Variants in GNB4 observed in about 807,000 individuals in gnomAD.
GNB4 encodes the protein G protein subunit beta 4, also known as guanine nucleotide-binding protein subunit beta-4.
Under a neutral mutation model 45.2 loss-of-function variants are expected in GNB4, and 28 were observed. The ratio of observed to expected loss-of-function variants is 0.62; its 90% CI spans 0.46 to 0.85. GNB4 has a LOEUF of 0.85. Among genes scored for constraint, GNB4 ranks in the 40% least tolerant of loss-of-function variants. GNB4 has a pLI of 0.00. For synonymous variants in GNB4, 132 were observed against 143.7 expected (o/e 0.92, Z 0.58); for missense variants, 321 against 425.4 (o/e 0.75, Z 2.16).
In GNB4 at chr3:179,397,709, G is replaced by A. The variant is rs1247019671; in HGVS notation, c.*3504C>T. 1.3e-5 allele frequency: 2 copies of A among 152,668 alleles called. No homozygotes were observed. Among genetic ancestry groups the A allele is most frequent in the African/African-American group, 4.8e-5 (2 of 41,464 alleles). The allele number at this position is 152,668 out of a possible 1,614,324, so 9.5% of individuals were successfully genotyped here. The stretch of plus-strand genomic sequence containing the variant: ...CCAAAAATGAGGCCTGTCCATTAAA[G>A]TGGAGGAGATATCCTTGCTGATGGC... On this transcript the variant is annotated 3_prime_UTR_variant, in exon 10 of 10. Coordinates refer to ENST00000232564, the MANE Select transcript of GNB4 (RefSeq NM_021629.4).
At chr3:179,475,412 C>A in the GNB4 span, among the ~76,000 whole-genome samples, 3 of 151,794 alleles carry the variant, frequency 2.0e-5, no homozygotes, top group Admixed American at 2.0e-4. Context: ...AGCCACCACA[C>A]CTGGCCCAAA....
intron 2 of GNB4, 29 bp downstream of exon 2, chr3:179,426,115 G>A (rs1183619300): frequency 6.4e-7 from 1 of 1,574,358 alleles, no homozygotes; most frequent in Non-Finnish European, 8.7e-7. Context: ...CTAAATAAGT[G>A]CTAACATTTT....
Position 179,401,107 on chromosome 3 carries a change from A to G in GNB4, c.*106T>C, listed in dbSNP as rs1229821488. On this transcript the variant is annotated 3_prime_UTR_variant, in exon 10 of 10. Transcript: ENST00000232564. ...AGCTTGTTTTTGTAGATAATCTAAT[A>G]GAAAAATCTTCACCTGCAAATATAA... is the stretch of plus-strand genomic sequence containing the variant. The G allele has an allele frequency of 7.9e-6, 5 of 630,740 alleles. No individual in the cohort carries two copies. The highest frequency in any genetic ancestry group is 5.0e-5 in the South Asian group (1 of 19,838). The allele number at this position is 630,740 out of a possible 1,614,324, so 39.1% of individuals were successfully genotyped here.
the GNB4 span, among the ~76,000 whole-genome samples, chr3:179,487,044 C>G: frequency 1.3e-5 from 2 of 152,176 alleles, no homozygotes; most frequent in Non-Finnish European, 2.9e-5. Context: ...AAATTTCAGA[C>G]AGAGAAAGCT....
At chr3:179,441,834 T>C (rs1715600839) in intron 1 of GNB4, among the ~76,000 whole-genome samples, 2 of 151,966 alleles carry the variant, frequency 1.3e-5, no homozygotes, top group Non-Finnish European at 2.9e-5. Flanking sequence ...AGACGGAGTT[T>C]CACTCTTGTT....
At chr3:179,402,105 A>G (rs1714321299) in intron 9 of GNB4, among the ~76,000 whole-genome samples, 1 of 152,198 alleles carries the variant, frequency 6.6e-6, no homozygotes, top group Non-Finnish European at 1.5e-5. Flanking sequence ...AATATTCTCT[A>G]TAGTATCTCC....
the GNB4 span, among the ~76,000 whole-genome samples, chr3:179,527,786 A>ATGTGTGTGTGTG: frequency 7.8e-3 from 977 of 124,916 alleles, 8 homozygotes; most frequent in Admixed American, 0.02. Context: ...GCGTGTGTGT[A>ATGTGTGTGTGTG]TGTATGTGTG....
chr3:179,516,701 G>A, the GNB4 span, among the ~76,000 whole-genome samples: 1 of 152,216 alleles, frequency 6.6e-6, no homozygotes. Context: ...GGGCCTGTGA[G>A]GCTGGAAGGA....
At chr3:179,525,117 C>T in the GNB4 span, among the ~76,000 whole-genome samples, 2 of 152,010 alleles carry the variant, frequency 1.3e-5, no homozygotes, top group African/African-American at 2.4e-5. Context: ...TCGGGTGAGT[C>T]GCATTAGGAG....
At chr3:179,520,705 T>C in the GNB4 span, among the ~76,000 whole-genome samples, 4 of 152,182 alleles carry the variant, frequency 2.6e-5, no homozygotes, top group East Asian at 5.8e-4. Context: ...TGGCCCAGAC[T>C]TCAATCCGGC....
the GNB4 span, among the ~76,000 whole-genome samples, chr3:179,479,120 C>T: frequency 6.6e-6 from 1 of 152,102 alleles, no homozygotes. Flanking sequence ...GACTAATACA[C>T]CCAACTAACT....
chr3:179,459,749 G>A, the GNB4 span, among the ~76,000 whole-genome samples: 5 of 151,738 alleles, frequency 3.3e-5, no homozygotes, highest in African/African-American at 1.2e-4. Flanking sequence ...CTCCACAACT[G>A]CTTTCATTTA....
chr3:179,422,772 T>G (rs1715028986), intron 2 of GNB4, among the ~76,000 whole-genome samples: 1 of 152,182 alleles, frequency 6.6e-6, no homozygotes, highest in African/African-American at 2.4e-5. Context: ...TTAGATTATA[T>G]TTCCAGATGG....
At chr3:179,440,242 T>C (rs1237572413) in intron 1 of GNB4, among the ~76,000 whole-genome samples, 1 of 152,212 alleles carries the variant, frequency 6.6e-6, no homozygotes, top group Non-Finnish European at 1.5e-5. Flanking sequence ...GGTCTTACTT[T>C]ACTCTTGAAG....
chr3:179,456,543 G>A, the GNB4 span, among the ~76,000 whole-genome samples: 1 of 152,044 alleles, frequency 6.6e-6, no homozygotes, highest in African/African-American at 2.4e-5. Flanking sequence ...TTACAAATTT[G>A]TTTTGGCTTT....
chr3:179,467,153 A>G, the GNB4 span, among the ~76,000 whole-genome samples: 1 of 152,156 alleles, frequency 6.6e-6, no homozygotes, highest in African/African-American at 2.4e-5. Flanking sequence ...GGCTTGGACT[A>G]CAGGTGTGTG....
the GNB4 span, among the ~76,000 whole-genome samples, chr3:179,477,831 C>T: frequency 6.6e-6 from 1 of 152,010 alleles, no homozygotes; most frequent in Non-Finnish European, 1.5e-5. Flanking sequence ...TTTTTCTATC[C>T]TGCTCCTCTA....
At chr3:179,458,139 G>A in the GNB4 span, among the ~76,000 whole-genome samples, 101 of 152,106 alleles carry the variant, frequency 6.6e-4, no homozygotes, top group African/African-American at 2.4e-3. Flanking sequence ...TGCTGATCTC[G>A]TGATCCACCC....
Position 179,405,207 on chromosome 3 carries a change from A to G in GNB4, c.899T>C (p.Leu300Pro). ...DDFNCNVWDT[L>P]KGDRAGVLAG... ...TTACTAACCTGCACGATCTCCTTTT[A>G]GCGTGTCCCATACATTACAATTAAA... The change falls in exon 9 of 10, where the codon CTA becomes CCA. Residue 300 changes from leucine to proline, a missense_variant. Transcript: ENST00000232564. The G allele has an allele frequency of 6.2e-7, 1 of 1,613,788 alleles. No homozygotes were observed. Among genetic ancestry groups the G allele is most frequent in the Non-Finnish European group, 8.5e-7 (1 of 1,179,802 alleles).
Sources: allele counts gnomAD v4.1 joint callset (sites outside exome capture counted in the v4.1 genomes callset), GRCh38; gene constraint gnomAD v4.1.1; transcripts MANE v1.5; gene names NCBI Gene and HGNC (gene_info 2026-07-23, HGNC 2026-07-21).